Variants in VGLL4 observed in about 807,000 individuals in gnomAD.
VGLL4 encodes the protein vestigial like family member 4.
In VGLL4, 7 loss-of-function variants were observed where a neutral mutation model predicts 21.0. The ratio of observed to expected loss-of-function variants is 0.33; its 90% CI spans 0.19 to 0.63. The LOEUF (loss-of-function observed/expected upper bound fraction) is 0.63, where lower values mean the gene tolerates loss of function less well. VGLL4 is among the 20% of genes least tolerant of loss of function. The probability of loss-of-function intolerance (pLI) is 0.78; values close to 1 mark genes in which losing one functional copy is unlikely to be tolerated. For synonymous variants in VGLL4, 222 were observed against 173.2 expected (o/e 1.28, Z -2.21); for missense variants, 394 against 425.7 (o/e 0.93, Z 0.66).
chr3:11,646,707 G>GC (rs753882289), upstream of VGLL4, among the ~76,000 whole-genome samples: 119 of 152,314 alleles, frequency 7.8e-4, no homozygotes, highest in Non-Finnish European at 1.6e-3. Flanking sequence ...AAGGGACTCA[G>GC]CATCACTTAG....
chr3:11,692,334 C>T (rs2076538038), intron 2 of VGLL4, among the ~76,000 whole-genome samples: 1 of 152,086 alleles, frequency 6.6e-6, no homozygotes, highest in African/African-American at 2.4e-5. Context: ...GGAGGGCAGC[C>T]CTTCTGATTA....
rs140271876 is a variant in VGLL4 at position 11,565,183 on chromosome 3, G to A, written c.273-164C>T. Reference sequence around the variant, plus strand: ...AGCCGGTTGCCAGCCCGGGTCAGCCGGACACCAAAGCCTCTGGGTGCCGGA... The same window carrying A: ...AGCCGGTTGCCAGCCCGGGTCAGCCAGACACCAAAGCCTCTGGGTGCCGGA... On this transcript the variant is annotated intron_variant, in intron 2 of 4. Coordinates refer to ENST00000430365, the MANE Select transcript of VGLL4 (RefSeq NM_001128219.3). The surrounding 1 kb of genome is among the most constrained non-coding windows in gnomAD (Gnocchi z 4.1). Among the ~76,000 whole-genome samples, 48 of 152,206 alleles carry A rather than the reference G, an allele frequency of 3.2e-4. No individual in the cohort carries two copies. In the South Asian group the frequency reaches 4.4e-3, roughly 14 times the overall value.
At chr3:11,666,491 C>T (rs1367491718) in intron 2 of VGLL4, among the ~76,000 whole-genome samples, 1 of 152,118 alleles carries the variant, frequency 6.6e-6, no homozygotes, top group Non-Finnish European at 1.5e-5. Context: ...GAGTTAGAAA[C>T]GGGAAAGCAG....
intron 2 of VGLL4, among the ~76,000 whole-genome samples, chr3:11,649,914 G>C (rs537250556): frequency 1.6e-5 from 2 of 127,748 alleles, no homozygotes; most frequent in East Asian, 3.9e-4. Context: ...GGTTTGGTTT[G>C]GTTTGGTTTG....
rs375691226 is a variant in VGLL4, at chr3:11,574,785, A to ATGTGTGTGTGTG, written c.273-9778_273-9767dup. ...ACAATTACTGTCAATTCAACTATATATGTGTGTGTGTGTGTGTGTGTGTGT... is the reference window on the plus strand; with the variant it reads ...ACAATTACTGTCAATTCAACTATATATGTGTGTGTGTGTGTGTGTGTGTGTGTGTGTGTGTGT... On this transcript the variant is annotated intron_variant, in intron 2 of 4. Transcript: ENST00000430365. Among the ~76,000 whole-genome samples the ATGTGTGTGTGTG allele has an allele frequency of 6.7e-3, 816 of 121,752 alleles. 20 individuals carry two copies. The highest frequency in any genetic ancestry group is 0.033 in the East Asian group (111 of 3,400). 79.9% of individuals were successfully genotyped at this position (121,752 alleles called of 152,430 possible).
At chr3:11,615,306 A>G (rs1406575775) in intron 1 of VGLL4, among the ~76,000 whole-genome samples, 1 of 152,174 alleles carries the variant, frequency 6.6e-6, no homozygotes, top group African/African-American at 2.4e-5. Flanking sequence ...ATCTCCTTTC[A>G]TCTAAAGGAA....
chr3:11,633,764 G>A lies in VGLL4; in HGVS notation c.82+9673C>T, dbSNP rs556138468. On this transcript the variant is annotated intron_variant, in intron 1 of 4. Coordinates refer to ENST00000430365, the MANE Select transcript of VGLL4 (RefSeq NM_001128219.3). Reference sequence around the variant, plus strand: ...CCCTTGAGGGACTAATAGGAGCCACGAGAAAGGAACAGGGAGATTTCAGAT... The same window carrying A: ...CCCTTGAGGGACTAATAGGAGCCACAAGAAAGGAACAGGGAGATTTCAGAT... 4 of 152,302 alleles carry A rather than the reference G, an allele frequency of 2.6e-5. No individual in the cohort carries two copies. The East Asian group carries it at 5.8e-4, about 22-fold the overall frequency. 9.4% of individuals were successfully genotyped at this position (152,302 alleles called of 1,614,324 possible).
At chr3:11,709,446 A>AAAC (rs2076808966) in intron 1 of VGLL4, among the ~76,000 whole-genome samples, 1 of 97,096 alleles carries the variant, frequency 1.0e-5, no homozygotes, top group Admixed American at 1.2e-4. Flanking sequence ...AAAAAAAAAA[A>AAAC]AAAAAAAAAA....
At chr3:11,642,285 A>C (rs1476720442) in intron 1 of VGLL4, among the ~76,000 whole-genome samples, 1 of 152,256 alleles carries the variant, frequency 6.6e-6, no homozygotes, top group African/African-American at 2.4e-5. Flanking sequence ...TAGAGTTTTA[A>C]AAAACAACGT....
chr3:11,681,434 C>T (rs538418838), intron 2 of VGLL4, among the ~76,000 whole-genome samples: 2 of 152,246 alleles, frequency 1.3e-5, no homozygotes, highest in East Asian at 1.9e-4. Flanking sequence ...CTAGACACTG[C>T]GAACACAGCA....
chr3:11,641,941 T>C (rs1433046878), intron 1 of VGLL4, among the ~76,000 whole-genome samples: 1 of 152,074 alleles, frequency 6.6e-6, no homozygotes, highest in Admixed American at 6.5e-5. Flanking sequence ...TTTTAAAATA[T>C]CGTATTACTT....
At chr3:11,672,093 C>T (rs2076226109) in intron 2 of VGLL4, among the ~76,000 whole-genome samples, 2 of 152,184 alleles carry the variant, frequency 1.3e-5, no homozygotes, top group African/African-American at 2.4e-5. Flanking sequence ...CACACAGTAT[C>T]ATGCAGAACA....
intron 2 of VGLL4, among the ~76,000 whole-genome samples, chr3:11,672,625 T>A (rs1575517664): frequency 6.6e-6 from 1 of 152,206 alleles, no homozygotes; most frequent in East Asian, 1.9e-4. Context: ...TTTGCTAAAA[T>A]TCTTAGCATA....
chr3:11,627,238 T>TCTCTCTCTCTCTCTC (rs376306251), intron 1 of VGLL4: 1 of 144,512 alleles, frequency 6.9e-6, no homozygotes, highest in Non-Finnish European at 1.5e-5. Flanking sequence ...ACACTCTCTC[T>TCTCTCTCTCTCTCTC]CTCTCTCTCT....
At chr3:11,562,269 T>C (rs1344373897) in intron 3 of VGLL4, among the ~76,000 whole-genome samples, 1 of 152,150 alleles carries the variant, frequency 6.6e-6, no homozygotes, top group African/African-American at 2.4e-5. Context: ...TCTTGGTGTT[T>C]GTCTGTCCTG....
intron 2 of VGLL4, among the ~76,000 whole-genome samples, chr3:11,684,401 G>T (rs2076415961): frequency 6.6e-6 from 1 of 151,114 alleles, no homozygotes; most frequent in African/African-American, 2.4e-5. Context: ...TTAAAAAAAA[G>T]ACAGGGTCTT....
upstream of VGLL4, among the ~76,000 whole-genome samples, chr3:11,645,912 C>T (rs934871303): frequency 6.6e-6 from 1 of 152,070 alleles, no homozygotes; most frequent in African/African-American, 2.4e-5. Flanking sequence ...GCAGAGGCTG[C>T]AGTGAGCCAA....
Position 11,556,652 on chromosome 3 carries a change from A to T in VGLL4, c.*1904T>A, listed in dbSNP as rs1418296931. 1 of 152,732 alleles carries T rather than the reference A, an allele frequency of 6.5e-6. No homozygotes were observed. The highest frequency in any genetic ancestry group is 1.5e-5 in the Non-Finnish European group (1 of 68,044). The allele number at this position is 152,732 out of a possible 1,614,324, so 9.5% of individuals were successfully genotyped here. On this transcript the variant is annotated 3_prime_UTR_variant, in exon 5 of 5. Transcript: ENST00000430365. ...AACAACAAAAAAAATGAATGATTAC[A>T]ATAGGAAAGGGAAAAATTAAATAGC...
At chr3:11,559,571 G>A in intron 3 of VGLL4, 116 bp from the exon 4 acceptor site, 3 of 1,372,628 alleles carry the variant, frequency 2.2e-6, no homozygotes, top group Admixed American at 3.3e-5. Context: ...GACCCAGTCT[G>A]CCACCTCCCA....
Sources: gnomAD v4.1 joint callset for allele counts (sites outside exome capture counted in the v4.1 genomes callset) on GRCh38, gnomAD v4.1.1 for gene constraint, Gnocchi (gnomAD v3.1) non-coding constraint, MANE v1.5 for transcripts, NCBI Gene and HGNC (gene_info 2026-07-23, HGNC 2026-07-21) for gene names.